The following CHRM2 variants were observed in gnomAD, a reference collection of about 807,000 sequenced individuals.
CHRM2 encodes muscarinic acetylcholine receptor M2.
Under a neutral mutation model 25.0 loss-of-function variants are expected in CHRM2, and 8 were observed. The observed-to-expected ratio is 0.32, with a 90% CI of 0.19 to 0.58. The LOEUF (loss-of-function observed/expected upper bound fraction) is 0.58. Ranked by LOEUF, CHRM2 falls within the 20% of genes least tolerant of loss-of-function variation. CHRM2 has a pLI of 0.88. For missense variants in CHRM2, 440 were observed against 567.1 expected (o/e 0.78, Z 2.28); for synonymous variants, 202 against 205.7 (o/e 0.98, Z 0.15).
At chr7:136,936,702 T>G (rs909214595) in intron 2 of CHRM2, among the ~76,000 whole-genome samples, 4 of 152,200 alleles carry the variant, frequency 2.6e-5, no homozygotes, top group Non-Finnish European at 5.9e-5. Flanking sequence ...TTCTCCCAAT[T>G]TTCTAAATTT....
intron 2 of CHRM2, among the ~76,000 whole-genome samples, chr7:136,952,148 A>G (rs1277157782): frequency 6.6e-6 from 1 of 152,188 alleles, no homozygotes; most frequent in African/African-American, 2.4e-5. Context: ...ACGTGGAGAG[A>G]GAAAAGAGCT....
intron 2 of CHRM2, among the ~76,000 whole-genome samples, chr7:136,917,734 T>A (rs1007190832): frequency 1.3e-5 from 2 of 151,998 alleles, no homozygotes; most frequent in Admixed American, 6.6e-5. Flanking sequence ...TGATACAGGA[T>A]TTTTTAAAAA....
Position 136,971,281 on chromosome 7 carries a change from C to G in CHRM2, c.-124-20906C>G, listed in dbSNP as rs554469071. Among the ~76,000 whole-genome samples the G allele has an allele frequency of 1.4e-4, 21 of 152,156 alleles. No individual in the cohort carries two copies. In the South Asian group the frequency reaches 4.2e-3, roughly 30 times the overall value. On this transcript the variant is annotated intron_variant, in intron 2 of 3. Coordinates refer to ENST00000680005, the MANE Select transcript of CHRM2 (RefSeq NM_001006630.2). ...GGACTAGAACTCAGCTTCACTGTAC[C>G]CCATTTCTGCAGTCTTTTAACTCCA...
chr7:137,012,154 A>G (rs1804867166), intron 3 of CHRM2, among the ~76,000 whole-genome samples: 1 of 152,076 alleles, frequency 6.6e-6, no homozygotes, highest in Non-Finnish European at 1.5e-5. Context: ...TAATATTAAC[A>G]TTTCATGAAA....
chr7:136,958,448 C>CT (rs56127104), intron 2 of CHRM2, among the ~76,000 whole-genome samples: 3,083 of 91,052 alleles, frequency 0.034, 102 homozygotes, highest in East Asian at 0.055. Context: ...GCAGTGTCAT[C>CT]TTTTTTTTTT....
chr7:136,965,792 A>T (rs1195085504), intron 2 of CHRM2, among the ~76,000 whole-genome samples: 5 of 152,052 alleles, frequency 3.3e-5, no homozygotes, highest in Non-Finnish European at 1.5e-5. Flanking sequence ...CATAAAAATC[A>T]AGATGGGAAG....
At chr7:136,992,643 C>T (rs1482583333) in intron 3 of CHRM2, among the ~76,000 whole-genome samples, 1 of 152,104 alleles carries the variant, frequency 6.6e-6, no homozygotes, top group Non-Finnish European at 1.5e-5. Flanking sequence ...CCTCTAGAAG[C>T]AATATTTTAG....
intron 3 of CHRM2, among the ~76,000 whole-genome samples, chr7:137,001,645 C>T (rs1389551908): frequency 6.6e-6 from 1 of 152,072 alleles, no homozygotes; most frequent in African/African-American, 2.4e-5. Flanking sequence ...CTGGAGAGGG[C>T]CTTCTCAGCA....
chr7:136,921,153 C>A (rs995084265), intron 2 of CHRM2, among the ~76,000 whole-genome samples: 2 of 152,064 alleles, frequency 1.3e-5, no homozygotes, highest in African/African-American at 4.8e-5. Context: ...CATTTACTAA[C>A]CTCCAGGTCG....
At chr7:136,904,321 A>G (rs181676173) in intron 2 of CHRM2, among the ~76,000 whole-genome samples, 151 of 151,912 alleles carry the variant, frequency 9.9e-4, no homozygotes, top group Middle Eastern at 3.4e-3. Flanking sequence ...TTATTATAAC[A>G]TTTTTCTAAG....
chr7:136,953,415 G>A (rs914138551), intron 2 of CHRM2, among the ~76,000 whole-genome samples: 5 of 151,960 alleles, frequency 3.3e-5, no homozygotes, highest in Non-Finnish European at 7.4e-5. Context: ...GATTTTTCTG[G>A]TCTATGTTTT....
chr7:136,972,321 CT>C (rs1563099533), intron 2 of CHRM2, among the ~76,000 whole-genome samples: 1 of 152,150 alleles, frequency 6.6e-6, no homozygotes, highest in Non-Finnish European at 1.5e-5. Context: ...CATTTTAAGG[CT>C]GTTTCATCTG....
intron 2 of CHRM2, among the ~76,000 whole-genome samples, chr7:136,914,667 T>C (rs924486961): frequency 2.6e-5 from 4 of 151,982 alleles, no homozygotes; most frequent in African/African-American, 7.2e-5. Context: ...CTTGATGATA[T>C]GTTGGATAGT....
At chr7:136,899,343 C>T (rs781714063) in intron 2 of CHRM2, 8 of 151,994 alleles carry the variant, frequency 5.3e-5, no homozygotes, top group Non-Finnish European at 1.0e-4. Context: ...TAGCACTGAC[C>T]ACAAGTGAAT....
In CHRM2 at chr7:137,014,908, A is replaced by T. The variant is rs551950798; in HGVS notation, c.43A>T (p.Thr15Ser). 1 of 1,613,218 alleles carries T rather than the reference A, an allele frequency of 6.2e-7. No individual in the cohort carries two copies. Among genetic ancestry groups the T allele is most frequent in the Admixed American group, 1.7e-5 (1 of 59,920 alleles). ...TNSSNNSLAL[T>S]SPYKTFEVVF... is the part of the protein sequence containing the mutation. ...CTCCTCTAACAATAGCCTGGCTCTT[A>T]CAAGTCCTTATAAGACATTTGAAGT... The change falls in exon 4 of 4, where the codon ACA (threonine) becomes TCA (serine). Residue 15 changes from threonine to serine, a missense_variant. Around this residue, in one of 5 missense-constraint regions of CHRM2, gnomAD observed 86 missense variants for 124.9 expected, o/e 0.69. Coordinates refer to ENST00000680005, the MANE Select transcript of CHRM2 (RefSeq NM_001006630.2).
intron 2 of CHRM2, among the ~76,000 whole-genome samples, chr7:136,904,025 T>C (rs948484149): frequency 3.3e-5 from 5 of 152,006 alleles, no homozygotes; most frequent in African/African-American, 1.2e-4. Flanking sequence ...ACTCTTTTAA[T>C]GTACTATTGA....
intron 2 of CHRM2, among the ~76,000 whole-genome samples, chr7:136,925,583 G>C (rs1346135133): frequency 6.6e-6 from 1 of 151,972 alleles, no homozygotes; most frequent in Non-Finnish European, 1.5e-5. Context: ...AAAATAAGGG[G>C]TGTTTTGAGA....
At chr7:136,903,137 C>T (rs377700391) in intron 2 of CHRM2, 8 of 533,772 alleles carry the variant, frequency 1.5e-5, no homozygotes, top group African/African-American at 7.7e-5. Context: ...CTTCAACCAA[C>T]GGTGGTGAAG....
intron 3 of CHRM2, among the ~76,000 whole-genome samples, chr7:137,000,716 G>T (rs1268022041): frequency 1.3e-5 from 2 of 150,992 alleles, no homozygotes; most frequent in Non-Finnish European, 2.9e-5. Flanking sequence ...TAAAATAGGG[G>T]TCTGTCTGTT....
Sources: allele counts gnomAD v4.1 joint callset (sites outside exome capture counted in the v4.1 genomes callset), GRCh38; gene constraint gnomAD v4.1.1; regional missense constraint gnomAD v4.1.1; transcripts MANE v1.5; gene names NCBI Gene and HGNC (gene_info 2026-07-23, HGNC 2026-07-21).